The following SLC9A9 variants were observed in gnomAD, a reference collection of about 807,000 sequenced individuals.
The protein encoded by SLC9A9 is solute carrier family 9 member A9.
SLC9A9 carries 62 observed loss-of-function variants against 77.8 expected under a neutral mutation model. The ratio of observed to expected loss-of-function variants is 0.80; its 90% CI spans 0.65 to 0.98. The LOEUF (loss-of-function observed/expected upper bound fraction) is 0.98, where lower values mean the gene tolerates loss of function less well. Among genes scored for constraint, SLC9A9 ranks in the 50% least tolerant of loss-of-function variants. SLC9A9 has a pLI of 0.00. For missense variants in SLC9A9, 775 were observed against 774.9 expected (o/e 1.00, Z 0.00); for synonymous variants, 320 against 283.5 (o/e 1.13, Z -1.29).
At chr3:143,539,580 T>C (rs2036650398) in intron 9 of SLC9A9, among the ~76,000 whole-genome samples, 2 of 152,158 alleles carry the variant, frequency 1.3e-5, no homozygotes, top group South Asian at 2.1e-4. Context: ...TAAAATGCCA[T>C]TATGAGACTG....
intron 14 of SLC9A9, among the ~76,000 whole-genome samples, chr3:143,277,648 T>C (rs1938090774): frequency 6.6e-6 from 1 of 152,240 alleles, no homozygotes; most frequent in African/African-American, 2.4e-5. Flanking sequence ...TGGCTCAAGT[T>C]GTTTTGAAAG....
chr3:143,588,418 T>G (rs1428400319), intron 6 of SLC9A9, among the ~76,000 whole-genome samples: 1 of 152,220 alleles, frequency 6.6e-6, no homozygotes, highest in Non-Finnish European at 1.5e-5. Flanking sequence ...GGAGCCAGGT[T>G]GATGATGACA....
chr3:143,765,046 T>C (rs1474907724), intron 4 of SLC9A9, among the ~76,000 whole-genome samples: 3 of 150,962 alleles, frequency 2.0e-5, no homozygotes, highest in African/African-American at 7.4e-5. Flanking sequence ...TCTCTTTCTT[T>C]TTCTTTCTTT....
intron 11 of SLC9A9, among the ~76,000 whole-genome samples, chr3:143,486,037 G>T (rs2035648745): frequency 6.6e-6 from 1 of 151,952 alleles, no homozygotes; most frequent in African/African-American, 2.4e-5. Context: ...AGAGAGAAGG[G>T]ACTCACACAT....
intron 12 of SLC9A9, among the ~76,000 whole-genome samples, chr3:143,393,872 A>T (rs1471541083): frequency 5.3e-5 from 8 of 152,158 alleles, no homozygotes; most frequent in African/African-American, 1.9e-4. Context: ...AAATTCCTTG[A>T]CACATACACC....
intron 12 of SLC9A9, among the ~76,000 whole-genome samples, chr3:143,462,237 G>A (rs2108565216): frequency 6.6e-6 from 1 of 152,220 alleles, no homozygotes. Flanking sequence ...GCTGGGCATG[G>A]TGGTGCACAC....
At chr3:143,841,058 T>C (rs1213075300) in intron 1 of SLC9A9, among the ~76,000 whole-genome samples, 1 of 152,182 alleles carries the variant, frequency 6.6e-6, no homozygotes, top group Non-Finnish European at 1.5e-5. Context: ...TAGGACTACA[T>C]AAGCGATAGA....
intron 2 of SLC9A9, among the ~76,000 whole-genome samples, 199 bp downstream of exon 2, chr3:143,831,820 A>C (rs756735390): frequency 1.5e-4 from 23 of 152,172 alleles, no homozygotes; most frequent in Non-Finnish European, 2.5e-4. Flanking sequence ...TCTAGGAAAA[A>C]AAAATACAGG....
intron 14 of SLC9A9, among the ~76,000 whole-genome samples, chr3:143,339,513 CT>C (rs1559873905): frequency 8.8e-6 from 1 of 113,888 alleles, no homozygotes; most frequent in Non-Finnish European, 1.8e-5. Flanking sequence ...CTGCTATCTT[CT>C]TTATGTTACA....
At chr3:143,691,218 C>T (rs777312466) in intron 5 of SLC9A9, among the ~76,000 whole-genome samples, 2 of 152,028 alleles carry the variant, frequency 1.3e-5, no homozygotes, top group Admixed American at 6.6e-5. Flanking sequence ...CACCATTACA[C>T]AAGGCTATTT....
chr3:143,577,531 C>T (rs995859819), intron 7 of SLC9A9, among the ~76,000 whole-genome samples: 1 of 152,206 alleles, frequency 6.6e-6, no homozygotes, highest in African/African-American at 2.4e-5. Flanking sequence ...TGAGTGTTTA[C>T]AGTGTGATAA....
chr3:143,529,103 A>G (rs1434051632), intron 9 of SLC9A9, among the ~76,000 whole-genome samples: 1 of 152,190 alleles, frequency 6.6e-6, no homozygotes, highest in African/African-American at 2.4e-5. Context: ...TGCCAACAAC[A>G]GCGGGGTGAG....
rs2037406453 is a variant in SLC9A9 at position 143,578,712 on chromosome 3, A to G, written c.767T>C (p.Ile256Thr). 6.2e-7 allele frequency: 1 copy of G among 1,613,898 alleles called. No homozygotes were observed. Among genetic ancestry groups the G allele is most frequent in the South Asian group, 1.1e-5 (1 of 91,094 alleles). Residue 256 changes from isoleucine (I) to threonine (T), a missense_variant, in exon 7 of 16, where the codon ATT (isoleucine) becomes ACT (threonine). Physicochemically the swap from Ile to Thr is moderately conservative, Grantham distance 89. Coordinates refer to ENST00000316549, the MANE Select transcript of SLC9A9 (RefSeq NM_173653.4). ...ATTTGGATTCTCCTTGGGACTGTAAATGGATATAGAACTGAAAAGAGAAGA... is the reference window on the plus strand; with the variant it reads ...ATTTGGATTCTCCTTGGGACTGTAAGTGGATATAGAACTGAAAAGAGAAGA... ...VAIVLTYSISIYSPKENPNAF... is the reference protein window; with the variant it reads ...VAIVLTYSISTYSPKENPNAF...
At chr3:143,826,363 G>A (rs188602022) in intron 2 of SLC9A9, among the ~76,000 whole-genome samples, 5 of 151,854 alleles carry the variant, frequency 3.3e-5, no homozygotes, top group Non-Finnish European at 5.9e-5. Flanking sequence ...CCACCCTTCT[G>A]TGAACCCACA....
At chr3:143,386,542 T>G (rs1478207262) in intron 12 of SLC9A9, among the ~76,000 whole-genome samples, 1 of 152,242 alleles carries the variant, frequency 6.6e-6, no homozygotes, top group Non-Finnish European at 1.5e-5. Flanking sequence ...TGGTGAGGAT[T>G]AAGTAAGAAA....
chr3:143,510,397 G>A (rs2036097273), intron 9 of SLC9A9, among the ~76,000 whole-genome samples: 1 of 152,082 alleles, frequency 6.6e-6, no homozygotes, highest in Admixed American at 6.5e-5. Context: ...TAATTTATAA[G>A]TGAAAATTAA....
chr3:143,352,603 T>C (rs2032488448), intron 14 of SLC9A9, among the ~76,000 whole-genome samples: 1 of 133,870 alleles, frequency 7.5e-6, no homozygotes, highest in Admixed American at 7.0e-5. Flanking sequence ...CTAAAAAACA[T>C]TCTAGTAGAC....
At chr3:143,429,277 C>T (rs567078156) in intron 12 of SLC9A9, among the ~76,000 whole-genome samples, 13 of 152,244 alleles carry the variant, frequency 8.5e-5, no homozygotes, top group Middle Eastern at 3.4e-3. Context: ...ATAAATGGGA[C>T]ATTTAGCAGA....
intron 14 of SLC9A9, among the ~76,000 whole-genome samples, chr3:143,288,610 A>G (rs1938447630): frequency 6.6e-6 from 1 of 152,176 alleles, no homozygotes; most frequent in South Asian, 2.1e-4. Context: ...CGATGATTTC[A>G]TGATTGCTAT....
Sources: gnomAD v4.1 joint callset for allele counts (sites outside exome capture counted in the v4.1 genomes callset) on GRCh38, gnomAD v4.1.1 for gene constraint, MANE v1.5 for transcripts, NCBI Gene and HGNC (gene_info 2026-07-23, HGNC 2026-07-21) for gene names.